Variants in BMP6 observed in about 807,000 individuals in gnomAD.
The protein encoded by BMP6 is bone morphogenetic protein 6.
A neutral mutation model predicts 54.1 loss-of-function variants in BMP6; 17 were observed. That is an observed-to-expected ratio of 0.31 (90% CI 0.22 to 0.47). The LOEUF (loss-of-function observed/expected upper bound fraction) is 0.47. Ranked by LOEUF, BMP6 falls within the 20% of genes least tolerant of loss-of-function variation. BMP6 has a pLI of 1.00. For synonymous variants in BMP6, 328 were observed against 291.2 expected (o/e 1.13, Z -1.28); for missense variants, 720 against 690.4 (o/e 1.04, Z -0.48).
chr6:7,757,140 T>C (rs950656545), intron 1 of BMP6, among the ~76,000 whole-genome samples: 4 of 152,254 alleles, frequency 2.6e-5, no homozygotes, highest in Admixed American at 2.0e-4. Context: ...GCCCTCTCCC[T>C]GGGCTGCCAC....
chr6:7,817,505 A>G (rs960154269), intron 1 of BMP6, among the ~76,000 whole-genome samples: 14 of 145,614 alleles, frequency 9.6e-5, no homozygotes, highest in Non-Finnish European at 3.0e-5. Flanking sequence ...GTTCTCACTC[A>G]TAGGTGGGAA....
At chr6:7,854,966 C>G (rs1447540804) in intron 2 of BMP6, among the ~76,000 whole-genome samples, 1 of 152,140 alleles carries the variant, frequency 6.6e-6, no homozygotes, top group African/African-American at 2.4e-5. Context: ...TCCTCTTTCC[C>G]CCTCTTACCC....
intron 1 of BMP6, among the ~76,000 whole-genome samples, chr6:7,795,822 A>AG (rs1482300514): frequency 6.6e-6 from 1 of 152,056 alleles, no homozygotes; most frequent in East Asian, 1.9e-4. Flanking sequence ...GTAGGGAATG[A>AG]GGTGTTGAAG....
At chr6:7,873,021 A>C (rs529002056) in intron 4 of BMP6, among the ~76,000 whole-genome samples, 7 of 151,922 alleles carry the variant, frequency 4.6e-5, no homozygotes, top group African/African-American at 1.7e-4. Context: ...GCCCAGGCTG[A>C]TCTCAAACTC....
chr6:7,788,871 GT>G (rs10532545), intron 1 of BMP6, among the ~76,000 whole-genome samples: 14,325 of 140,274 alleles, frequency 0.1, 843 homozygotes, highest in African/African-American at 0.19. Context: ...TCCTATCTCT[GT>G]TTTTTTTTTT....
In BMP6 at chr6:7,861,418, G is replaced by T. The variant is rs748208643; in HGVS notation, c.858-33G>T. The T allele has an allele frequency of 2.5e-6, 4 of 1,610,984 alleles. No homozygotes were observed. The South Asian group carries it at 4.4e-5, about 18-fold the overall frequency. ...AGTGGGAAGGAGCTTCAGGCAGTGC[G>T]CTATTTACCAGGCCATTTTTTCTTT... On this transcript the variant is annotated intron_variant, in intron 2 of 6. Coordinates refer to ENST00000283147, the MANE Select transcript of BMP6 (RefSeq NM_001718.6).
intron 1 of BMP6, among the ~76,000 whole-genome samples, chr6:7,809,234 G>A (rs552941748): frequency 1.9e-3 from 291 of 151,800 alleles, no homozygotes; most frequent in Non-Finnish European, 3.0e-3. Context: ...TTTGCAACCT[G>A]TAATAAACTC....
chr6:7,730,031 G>T (rs62389984), intron 1 of BMP6, among the ~76,000 whole-genome samples: 1 of 152,188 alleles, frequency 6.6e-6, no homozygotes, highest in Non-Finnish European at 1.5e-5. Flanking sequence ...CAAGATCTCA[G>T]GTGATGTCAG....
rs573398526 is a variant in BMP6, at chr6:7,803,848, G to A, written c.665-41292G>A. Among the ~76,000 whole-genome samples the A allele has an allele frequency of 3.0e-4, 46 of 151,862 alleles. 1 individual carries two copies. Among genetic ancestry groups the A allele is most frequent in the African/African-American group, 9.9e-4 (41 of 41,368 alleles). ...TCTCTTAGCAGTTACATAAATGAACGCTGCATTTTACTATCACTGGCATAT... is the reference window on the plus strand; with the variant it reads ...TCTCTTAGCAGTTACATAAATGAACACTGCATTTTACTATCACTGGCATAT... On this transcript the variant is annotated intron_variant, in intron 1 of 6. Transcript: ENST00000283147.
chr6:7,866,755 T>A (rs939513563), intron 4 of BMP6, among the ~76,000 whole-genome samples: 1 of 152,232 alleles, frequency 6.6e-6, no homozygotes, highest in Non-Finnish European at 1.5e-5. Flanking sequence ...AGTCTTGATG[T>A]TTATGTTGTC....
At chr6:7,875,450 G>A (rs1185420927) in intron 4 of BMP6, among the ~76,000 whole-genome samples, 1 of 152,160 alleles carries the variant, frequency 6.6e-6, no homozygotes, top group Admixed American at 6.5e-5. Context: ...GGCCAAGGCA[G>A]GAGGCTTGCT....
Position 7,853,893 on chromosome 6 carries a change from G to A in BMP6, c.858-7558G>A, listed in dbSNP as rs184668505. On this transcript the variant is annotated intron_variant, in intron 2 of 6. Transcript: ENST00000283147. ...AGGGCATATGACTTATACCTAGAAC[G>A]GTCTACTTGGGGAGAAAAAAAAAAA... Among the ~76,000 whole-genome samples the A allele has an allele frequency of 1.3e-3, 170 of 126,662 alleles. 1 individual carries two copies. The highest frequency in any genetic ancestry group is 5.5e-3 in the African/African-American group (158 of 28,722). 83.1% of individuals were successfully genotyped at this position (126,662 alleles called of 152,430 possible).
intron 1 of BMP6, among the ~76,000 whole-genome samples, chr6:7,828,977 C>T (rs966781421): frequency 3.9e-5 from 6 of 152,232 alleles, no homozygotes; most frequent in Admixed American, 1.3e-4. Context: ...TGCTGTGCCG[C>T]GAATAATAGG....
intron 4 of BMP6, among the ~76,000 whole-genome samples, chr6:7,871,466 T>C (rs1759523410): frequency 6.6e-6 from 1 of 152,228 alleles, no homozygotes; most frequent in Non-Finnish European, 1.5e-5. Context: ...GGGGCTTTTA[T>C]GATTGTTGGA....
At chr6:7,812,991 G>A (rs1411639065) in intron 1 of BMP6, among the ~76,000 whole-genome samples, 1 of 145,316 alleles carries the variant, frequency 6.9e-6, no homozygotes, top group African/African-American at 2.6e-5. Context: ...AACATGCTGG[G>A]TCAGGTGTGA....
chr6:7,832,696 A>C (rs1348849006), intron 1 of BMP6, among the ~76,000 whole-genome samples: 1 of 150,198 alleles, frequency 6.7e-6, no homozygotes, highest in Non-Finnish European at 1.5e-5. Flanking sequence ...ATTAGATATA[A>C]GAACACTGAT....
chr6:7,767,782 T>A (rs1300258687), intron 1 of BMP6, among the ~76,000 whole-genome samples: 1 of 152,132 alleles, frequency 6.6e-6, no homozygotes, highest in Non-Finnish European at 1.5e-5. Context: ...GTCTCTTGTG[T>A]TTTTTGCTCT....
intron 1 of BMP6, among the ~76,000 whole-genome samples, chr6:7,728,501 C>T (rs553298724): frequency 1.3e-5 from 2 of 150,408 alleles, no homozygotes; most frequent in South Asian, 2.1e-4. Flanking sequence ...AGTCACATCG[C>T]CCTTTCTCCC....
At chr6:7,838,941 C>CA (rs778664842) in intron 1 of BMP6, among the ~76,000 whole-genome samples, 1,545 of 58,494 alleles carry the variant, frequency 0.026, 34 homozygotes, top group Admixed American at 0.054. Context: ...GACTCTGTCT[C>CA]AAAAAAAAAA....
Sources: allele counts gnomAD v4.1 joint callset (sites outside exome capture counted in the v4.1 genomes callset), GRCh38; gene constraint gnomAD v4.1.1; transcripts MANE v1.5; gene names NCBI Gene and HGNC (gene_info 2026-07-23, HGNC 2026-07-21).